The following DLGAP1 variants were observed in gnomAD, a reference collection of about 807,000 sequenced individuals.
DLGAP1 encodes the protein DLG associated protein 1.
Under a neutral mutation model 90.8 loss-of-function variants are expected in DLGAP1, and 11 were observed. The observed-to-expected ratio is 0.12, with a 90% CI of 0.08 to 0.20. The LOEUF is 0.20. Among genes scored for constraint, DLGAP1 ranks in the 10% least tolerant of loss-of-function variants. DLGAP1 has a pLI of 1.00. For missense variants in DLGAP1, 1,050 were observed against 1,333.8 expected, an observed-to-expected ratio of 0.79 and a Z score of 3.31; for synonymous variants, 558 against 540.7, an observed-to-expected ratio of 1.03 and a Z score of -0.44.
chr18:3,761,505 C>T (rs1834493138), intron 5 of DLGAP1, among the ~76,000 whole-genome samples: 1 of 152,070 alleles, frequency 6.6e-6, no homozygotes. Flanking sequence ...GGGTTGCTTC[C>T]ACCTTTTGGT....
In DLGAP1 at chr18:3,580,751, C is replaced by T. The variant is rs1417765514; in HGVS notation, c.1965+1124G>A. 3.7e-6 allele frequency: 6 copies of T among 1,613,154 alleles called. 1 individual carries two copies. The South Asian group carries it at 5.5e-5, about 15-fold the overall frequency. On this transcript the variant is annotated intron_variant, in intron 8 of 12. Coordinates refer to ENST00000315677, the MANE Select transcript of DLGAP1 (RefSeq NM_004746.4). Reference sequence around the variant, plus strand: ...CCAGGACAGCCACGCACCATCCCCTCAGGTGTGACCGGAGACTTTGCAGTG... The same window carrying T: ...CCAGGACAGCCACGCACCATCCCCTTAGGTGTGACCGGAGACTTTGCAGTG...
Position 3,852,759 on chromosome 18 carries a change from G to A in DLGAP1, c.957+26353C>T, listed in dbSNP as rs549182770. Among the ~76,000 whole-genome samples the A allele has an allele frequency of 6.6e-5, 10 of 152,014 alleles. No individual in the cohort carries two copies. In the East Asian group the frequency reaches 1.7e-3, roughly 26 times the overall value. On this transcript the variant is annotated intron_variant, in intron 4 of 12. Transcript: ENST00000315677. ...TGCATATATTGAGACAATCCTATGT[G>A]CTTTTTATCCTTTAATCTTTAAGCA...
chr18:4,196,827 T>G (rs1390656471), intron 1 of DLGAP1, among the ~76,000 whole-genome samples: 1 of 152,116 alleles, frequency 6.6e-6, no homozygotes, highest in Non-Finnish European at 1.5e-5. Context: ...TCTTAAAACT[T>G]TTCACAAAGA....
chr18:3,797,241 G>A, intron 5 of DLGAP1, among the ~76,000 whole-genome samples: 1 of 151,826 alleles, frequency 6.6e-6, no homozygotes, highest in African/African-American at 2.4e-5. Context: ...CAGGGGAATT[G>A]CTTTAACCCG....
chr18:3,855,604 T>A (rs1293776372), intron 4 of DLGAP1, among the ~76,000 whole-genome samples: 1 of 152,090 alleles, frequency 6.6e-6, no homozygotes, highest in East Asian at 1.9e-4. Context: ...TTTTAAAAAA[T>A]TAATTAATTA....
At position 3,965,190 on chromosome 18, in the gene DLGAP1, C is replaced by A. The variant is rs552689726; in HGVS notation, c.-73+39926G>T. On this transcript the variant is annotated intron_variant, in intron 3 of 12. Transcript: ENST00000315677. ...TTGTAACACAAAACACTGAACAACA[C>A]CACAAAGCCTAGAATCACTGTCAAA... Among the ~76,000 whole-genome samples, 455 of 152,232 alleles carry A rather than the reference C, an allele frequency of 3.0e-3. 3 individuals carry two copies. The highest frequency in any genetic ancestry group is 6.8e-3 in the Middle Eastern group (2 of 292).
At chr18:4,408,534 CA>C (rs2082711752) in intron 1 of DLGAP1, among the ~76,000 whole-genome samples, 1 of 151,756 alleles carries the variant, frequency 6.6e-6, no homozygotes, top group Admixed American at 6.6e-5. Context: ...AAGATATAAA[CA>C]TGACGTTGGT....
chr18:3,771,550 G>T (rs1190854824), intron 5 of DLGAP1: 2 of 152,396 alleles, frequency 1.3e-5, no homozygotes, highest in East Asian at 1.9e-4. Context: ...CCGCCCGGGC[G>T]GGACGTGCCG....
At chr18:4,174,332 A>AT (rs763296512) in intron 1 of DLGAP1, among the ~76,000 whole-genome samples, 15 of 151,028 alleles carry the variant, frequency 9.9e-5, no homozygotes, top group Admixed American at 4.0e-4. Flanking sequence ...ATTTTATTTT[A>AT]TTTTTTATTA....
chr18:3,628,797 T>C (rs2058410599), intron 7 of DLGAP1, among the ~76,000 whole-genome samples: 1 of 152,220 alleles, frequency 6.6e-6, no homozygotes, highest in South Asian at 2.1e-4. Flanking sequence ...TTGATTCACC[T>C]ATATTGTAAT....
In DLGAP1 at chr18:4,265,635, C is replaced by T. The variant is rs796681814; in HGVS notation, c.-266-114348G>A. On this transcript the variant is annotated intron_variant, in intron 1 of 12. Coordinates refer to ENST00000315677, the MANE Select transcript of DLGAP1 (RefSeq NM_004746.4). ...TCCTTCCCTCCCTCCCCTTCCCTCC[C>T]TCCCCTTCCCTCCCTCCCTCCCTCC... Among the ~76,000 whole-genome samples, 64 of 49,452 alleles carry T rather than the reference C, an allele frequency of 1.3e-3. 3 individuals are homozygous for T. The highest frequency in any genetic ancestry group is 4.0e-3 in the African/African-American group (21 of 5,284). 32.4% of individuals were successfully genotyped at this position (49,452 alleles called of 152,430 possible).
intron 2 of DLGAP1, among the ~76,000 whole-genome samples, chr18:4,045,174 T>C (rs1456340746): frequency 4.6e-5 from 7 of 152,020 alleles, no homozygotes; most frequent in Non-Finnish European, 7.4e-5. Flanking sequence ...CTAACTTAAC[T>C]GCCCTGCACT....
chr18:4,246,305 T>C (rs373306750), intron 1 of DLGAP1, among the ~76,000 whole-genome samples: 1 of 152,206 alleles, frequency 6.6e-6, no homozygotes, highest in Non-Finnish European at 1.5e-5. Flanking sequence ...TGGCAGATGA[T>C]ATTTCAGGAA....
intron 1 of DLGAP1, among the ~76,000 whole-genome samples, chr18:4,292,445 A>AT (rs1246408758): frequency 6.6e-6 from 1 of 152,032 alleles, no homozygotes; most frequent in Non-Finnish European, 1.5e-5. Flanking sequence ...ATTTTAGCAA[A>AT]TTTTTTATGT....
chr18:3,911,618 C>A (rs1364649965), intron 3 of DLGAP1, among the ~76,000 whole-genome samples: 1 of 152,130 alleles, frequency 6.6e-6, no homozygotes, highest in Non-Finnish European at 1.5e-5. Context: ...ATTGAATCAC[C>A]CAGCAAGGGC....
intron 7 of DLGAP1, among the ~76,000 whole-genome samples, chr18:3,651,307 C>T (rs747320351): frequency 5.9e-5 from 9 of 152,110 alleles, no homozygotes; most frequent in East Asian, 1.9e-4. Context: ...TGCAGGGAGC[C>T]GACAATGTGC....
intron 7 of DLGAP1, among the ~76,000 whole-genome samples, chr18:3,663,019 C>T (rs1384998533): frequency 6.6e-6 from 1 of 152,090 alleles, no homozygotes; most frequent in Non-Finnish European, 1.5e-5. Flanking sequence ...CGCCTGTAAT[C>T]CCAGCACTTT....
chr18:4,009,392 C>T (rs1335144828), intron 2 of DLGAP1, among the ~76,000 whole-genome samples: 1 of 152,218 alleles, frequency 6.6e-6, no homozygotes, highest in Non-Finnish European at 1.5e-5. Flanking sequence ...GCAGCCGATA[C>T]TGGGACAACC....
At chr18:3,839,087 G>C (rs1168269483) in intron 4 of DLGAP1, among the ~76,000 whole-genome samples, 1 of 152,118 alleles carries the variant, frequency 6.6e-6, no homozygotes, top group East Asian at 1.9e-4. Flanking sequence ...ATAATTTCTT[G>C]CTTTTGAGAG....
Sources: gnomAD v4.1 joint callset for allele counts (sites outside exome capture counted in the v4.1 genomes callset) on GRCh38, gnomAD v4.1.1 for gene constraint, MANE v1.5 for transcripts, NCBI Gene and HGNC (gene_info 2026-07-23, HGNC 2026-07-21) for gene names.